The following ERC2 variants were observed in gnomAD, a reference collection of about 807,000 sequenced individuals.
ERC2 encodes ELKS/RAB6-interacting/CAST family member 2, also known as ERC protein 2.
ERC2 carries 42 observed loss-of-function variants against 114.8 expected under a neutral mutation model. The observed-to-expected ratio is 0.37, with a 90% CI of 0.29 to 0.47. The LOEUF (loss-of-function observed/expected upper bound fraction) is 0.47. Among genes scored for constraint, ERC2 ranks in the 20% least tolerant of loss-of-function variants. The pLI is 0.99. For synonymous variants in ERC2, 454 were observed against 425.5 expected, an observed-to-expected ratio of 1.07 and a Z score of -0.82; for missense variants, 939 against 1,150.7, an observed-to-expected ratio of 0.82 and a Z score of 2.66.
intron 14 of ERC2, among the ~76,000 whole-genome samples, chr3:55,802,262 CT>C (rs1164027289): frequency 2.0e-5 from 3 of 152,128 alleles, no homozygotes; most frequent in African/African-American, 7.2e-5. Flanking sequence ...CCAACAAATG[CT>C]TTTTGTCTAC....
intron 14 of ERC2, among the ~76,000 whole-genome samples, chr3:55,875,233 A>G (rs2062771631): frequency 6.6e-6 from 1 of 152,196 alleles, no homozygotes; most frequent in Non-Finnish European, 1.5e-5. Flanking sequence ...CCAGGAAGAG[A>G]AAGAAGCTCC....
At chr3:56,166,518 T>C (rs1455257606) in intron 4 of ERC2, among the ~76,000 whole-genome samples, 1 of 152,088 alleles carries the variant, frequency 6.6e-6, no homozygotes, top group Non-Finnish European at 1.5e-5. Flanking sequence ...CTGTTTGGTT[T>C]GGGTTTTTAG....
chr3:56,042,265 C>T (rs929536608), intron 7 of ERC2, among the ~76,000 whole-genome samples: 1 of 152,160 alleles, frequency 6.6e-6, no homozygotes, highest in East Asian at 1.9e-4. Context: ...TGACATAAAG[C>T]TACATGGGAA....
chr3:55,884,446 T>A (rs1432151162), intron 14 of ERC2, among the ~76,000 whole-genome samples: 1 of 152,208 alleles, frequency 6.6e-6, no homozygotes, highest in Non-Finnish European at 1.5e-5. Context: ...ATTGTTTCTT[T>A]ATACTGCCTC....
At chr3:56,278,669 T>C (rs1576236617) in intron 3 of ERC2, among the ~76,000 whole-genome samples, 2 of 152,168 alleles carry the variant, frequency 1.3e-5, no homozygotes, top group African/African-American at 2.4e-5. Flanking sequence ...CTGCAGGCTG[T>C]AAAGAAGCCT....
intron 3 of ERC2, among the ~76,000 whole-genome samples, chr3:56,217,688 C>T (rs1395849955): frequency 1.3e-5 from 2 of 152,190 alleles, no homozygotes; most frequent in Non-Finnish European, 2.9e-5. Context: ...CAAGTCAATC[C>T]TAAGCCAAAA....
intron 14 of ERC2, among the ~76,000 whole-genome samples, chr3:55,851,499 G>A (rs545284547): frequency 3.3e-5 from 5 of 152,092 alleles, no homozygotes; most frequent in African/African-American, 7.2e-5. Context: ...TCTGGCTTGC[G>A]TGCCCAACCC....
In ERC2 at chr3:56,296,133, T is replaced by C. The variant is rs772571291; in HGVS notation, c.960A>G (p.Lys320=). The change falls in exon 3 of 18, where the codon AAA becomes AAG. Residue 320 remains lysine (K), a synonymous_variant. Transcript: ENST00000288221. ...TTCGCTCATTGTCATCCTCCAGGCT[T>C]TTGGATGGCAAGCCTTTACTTTGCA... ...EMLQSKGLPS[K]SLEDDNERTR... 4 of 1,614,042 alleles carry C rather than the reference T, an allele frequency of 2.5e-6. No homozygotes were observed. The highest frequency in any genetic ancestry group is 3.4e-6 in the Non-Finnish European group (4 of 1,179,886).
At chr3:55,543,664 C>T (rs569566050) in intron 17 of ERC2, among the ~76,000 whole-genome samples, 2 of 152,160 alleles carry the variant, frequency 1.3e-5, no homozygotes, top group Non-Finnish European at 2.9e-5. Context: ...ATCAAGAGAA[C>T]GGGAGCTTGG....
At chr3:56,390,071 G>T (rs2060074161) in intron 2 of ERC2, among the ~76,000 whole-genome samples, 1 of 152,024 alleles carries the variant, frequency 6.6e-6, no homozygotes, top group Non-Finnish European at 1.5e-5. Flanking sequence ...AAATGACCAT[G>T]TTGAACTCAG....
chr3:55,807,702 T>A (rs537987106), intron 14 of ERC2, among the ~76,000 whole-genome samples: 2 of 152,326 alleles, frequency 1.3e-5, no homozygotes, highest in African/African-American at 4.8e-5. Context: ...GGATTTATGA[T>A]GGATAACGTG....
chr3:55,770,107 T>C (rs1211838037), intron 14 of ERC2, among the ~76,000 whole-genome samples: 1 of 152,216 alleles, frequency 6.6e-6, no homozygotes. Flanking sequence ...TGTATGCTTC[T>C]TCTAACTCTT....
chr3:55,793,453 G>A (rs533295353), intron 14 of ERC2, among the ~76,000 whole-genome samples: 6 of 152,220 alleles, frequency 3.9e-5, no homozygotes, highest in African/African-American at 1.4e-4. Flanking sequence ...AGAGTAAGCA[G>A]AAAAGATACT....
intron 3 of ERC2, among the ~76,000 whole-genome samples, chr3:56,260,920 G>A (rs916499634): frequency 6.6e-6 from 1 of 152,172 alleles, no homozygotes; most frequent in East Asian, 1.9e-4. Flanking sequence ...GCTCCTCTGT[G>A]TCCTAATGAA....
At chr3:55,694,441 C>A (rs796763096) in intron 16 of ERC2, among the ~76,000 whole-genome samples, 1 of 152,178 alleles carries the variant, frequency 6.6e-6, no homozygotes. Flanking sequence ...TTTTCTGTAA[C>A]TGATCACATA....
chr3:56,363,917 G>C (rs1307858077), intron 2 of ERC2, among the ~76,000 whole-genome samples: 6 of 151,456 alleles, frequency 4.0e-5, no homozygotes, highest in African/African-American at 1.2e-4. Flanking sequence ...AAGGAGGGTA[G>C]GAAGGGAAGG....
At chr3:55,806,875 A>C (rs1401802306) in intron 14 of ERC2, among the ~76,000 whole-genome samples, 1 of 152,214 alleles carries the variant, frequency 6.6e-6, no homozygotes, top group African/African-American at 2.4e-5. Context: ...TAAATGGCAA[A>C]TGCTAGTGGT....
intron 14 of ERC2, among the ~76,000 whole-genome samples, chr3:55,849,573 G>A (rs563519250): frequency 7.2e-5 from 11 of 152,260 alleles, no homozygotes; most frequent in Non-Finnish European, 1.5e-4. Context: ...TGGCACCGAC[G>A]CAGGAGGATG....
At chr3:56,200,348 G>GAAAAAAAAA in intron 3 of ERC2, among the ~76,000 whole-genome samples, 1 of 141,344 alleles carries the variant, frequency 7.1e-6, no homozygotes, top group Non-Finnish European at 1.5e-5. Context: ...ATACTCAGGG[G>GAAAAAAAAA]AAAAAAAAAA....
Sources: allele counts gnomAD v4.1 joint callset (sites outside exome capture counted in the v4.1 genomes callset), GRCh38; gene constraint gnomAD v4.1.1; transcripts MANE v1.5; gene names NCBI Gene and HGNC (gene_info 2026-07-23, HGNC 2026-07-21).